C4orf33: variants seen among roughly 807,000 people sequenced by gnomAD.
C4orf33 encodes the protein UPF0462 protein C4orf33.
A neutral mutation model predicts 24.3 loss-of-function variants in C4orf33; 20 were observed. That is an observed-to-expected ratio of 0.82 (90% confidence interval 0.58 to 1.19). The LOEUF (loss-of-function observed/expected upper bound fraction) is 1.19. Among genes scored for constraint, C4orf33 ranks in the 50% most tolerant of loss-of-function variants. The pLI is 0.00. For synonymous variants in C4orf33, 67 were observed against 76.4 expected (o/e 0.88, Z 0.64); for missense variants, 207 against 225.9 (o/e 0.92, Z 0.54).
At chr4:129,105,977 A>T (rs1214725866) in intron 2 of C4orf33, among the ~76,000 whole-genome samples, 1 of 152,196 alleles carries the variant, frequency 6.6e-6, no homozygotes, top group African/African-American at 2.4e-5. Flanking sequence ...TGTCATGCAC[A>T]TTTTGGTTGC....
chr4:129,109,393 G>A lies in C4orf33; in HGVS notation c.294+35G>A, dbSNP rs201700790. On this transcript the variant is annotated intron_variant, in intron 4 of 5. Coordinates refer to ENST00000425929, the MANE Select transcript of C4orf33 (RefSeq NM_001099783.2). ...TAAAAATAGGAGGCAAAATCATTAC[G>A]TACACAGTAATACACATATTTCTAT... 2.0e-4 allele frequency: 314 copies of A among 1,593,196 alleles called. No individual in the cohort carries two copies. In the Middle Eastern group the frequency reaches 3.0e-3, roughly 15 times the overall value.
At chr4:129,103,019 T>A in intron 2 of C4orf33, 2 of 270,434 alleles carry the variant, frequency 7.4e-6, no homozygotes. Flanking sequence ...AATCCAGATT[T>A]TTTTTTTTTT....
At chr4:129,110,048 A>G in intron 5 of C4orf33, 1 of 1,010,608 alleles carries the variant, frequency 9.9e-7, no homozygotes, top group South Asian at 4.0e-5. Flanking sequence ...CCCCTGTTAC[A>G]AGGAAATCTA....
upstream of C4orf33, chr4:129,094,073 A>G (rs1753089427): frequency 6.6e-6 from 1 of 152,220 alleles, no homozygotes. Context: ...CAAAGGAGAC[A>G]ACTGTTGTTT....
At chr4:129,111,356 A>G (rs1753687427) in intron 5 of C4orf33, among the ~76,000 whole-genome samples, 1 of 152,234 alleles carries the variant, frequency 6.6e-6, no homozygotes, top group Admixed American at 6.5e-5. Flanking sequence ...CAAAGTTTGA[A>G]TATAAAAACA....
chr4:129,103,016 A>ATTTTT (rs11383422), intron 2 of C4orf33: 11 of 176,264 alleles, frequency 6.2e-5, no homozygotes, highest in South Asian at 9.5e-5. Flanking sequence ...ACAAATCCAG[A>ATTTTT]TTTTTTTTTT....
intron 3 of C4orf33, among the ~76,000 whole-genome samples, 179 bp downstream of exon 3, chr4:129,106,826 G>A (rs1021379758): frequency 2.0e-5 from 3 of 151,680 alleles, no homozygotes; most frequent in Non-Finnish European, 3.0e-5. Context: ...TATTTAGAAT[G>A]TATGTTTAGA....
At chr4:129,106,471 G>T in intron 2 of C4orf33, 116 bp from the exon 3 acceptor site, 2 of 536,090 alleles carry the variant, frequency 3.7e-6, no homozygotes, top group South Asian at 2.7e-5. Context: ...TTTCCTATTG[G>T]GGATAGTATT....
chr4:129,107,271 G>T (rs337279), intron 3 of C4orf33, among the ~76,000 whole-genome samples: 83,924 of 151,738 alleles, frequency 0.55, 25,216 homozygotes, highest in South Asian at 0.67. Context: ...CTTTGTTCAG[G>T]TTTAACTGTC....
chr4:129,100,119 A>G (rs559600832), intron 1 of C4orf33, among the ~76,000 whole-genome samples: 6 of 152,324 alleles, frequency 3.9e-5, no homozygotes, highest in Middle Eastern at 3.4e-3. Flanking sequence ...AGAAGGAACC[A>G]GTAGAAAGGT....
chr4:129,109,843 GA>G, intron 5 of C4orf33, 171 bp downstream of exon 5: 2 of 944,586 alleles, frequency 2.1e-6, no homozygotes, highest in Non-Finnish European at 3.0e-6. Context: ...GAAAACTTTG[GA>G]CTGTCATAAT....
intron 1 of C4orf33, among the ~76,000 whole-genome samples, chr4:129,097,375 C>A (rs1166859860): frequency 6.6e-6 from 1 of 152,186 alleles, no homozygotes; most frequent in East Asian, 1.9e-4. Flanking sequence ...TGTTACCACT[C>A]GTTTCTTGGA....
rs1427885606 is a variant in C4orf33, at chr4:129,113,774, A to AAG, written c.*1984_*1985insGA. 6 of 151,610 alleles carry AAG rather than the reference A, an allele frequency of 4.0e-5. No individual in the cohort carries two copies. In the East Asian group the frequency reaches 1.2e-3, roughly 29 times the overall value. 9.4% of individuals were successfully genotyped at this position (151,610 alleles called of 1,614,324 possible). On this transcript the variant is annotated 3_prime_UTR_variant, in exon 6 of 6. Transcript: ENST00000425929. ...GTTAAAAAGGTTTTTTGCCACAGGA[A>AAG]AAAAAACATTTAATTTCCCCTCCTT...
rs1192854251 is a variant in C4orf33 at position 129,115,091 on chromosome 4, T to C, written c.*3300T>C. 1 of 152,218 alleles carries C rather than the reference T, an allele frequency of 6.6e-6. No individual in the cohort carries two copies. The highest frequency in any genetic ancestry group is 1.5e-5 in the Non-Finnish European group (1 of 68,040). 9.4% of individuals were successfully genotyped at this position (152,218 alleles called of 1,614,324 possible). On this transcript the variant is annotated 3_prime_UTR_variant, in exon 6 of 6. Transcript: ENST00000425929. ...TGTGATGGAAGAGAGAGATGATAAC[T>C]ATCAATTATAGACTTGAAATCAGTT...
At chr4:129,101,225 T>A (rs529882140) in intron 1 of C4orf33, among the ~76,000 whole-genome samples, 1 of 152,324 alleles carries the variant, frequency 6.6e-6, no homozygotes, top group Non-Finnish European at 1.5e-5. Context: ...GGTCTTGGAT[T>A]TCTTATGTTA....
At chr4:129,094,863 C>T (rs1753138961), upstream of C4orf33, among the ~76,000 whole-genome samples, 1 of 152,214 alleles carries the variant, frequency 6.6e-6, no homozygotes, top group African/African-American at 2.4e-5. Context: ...AAACATCTCA[C>T]TGACTCTCCA....
chr4:129,101,271 G>T (rs1404609088), intron 1 of C4orf33, among the ~76,000 whole-genome samples: 1 of 152,142 alleles, frequency 6.6e-6, no homozygotes, highest in Non-Finnish European at 1.5e-5. Flanking sequence ...CCACTGCTTA[G>T]CTCGTAGGAG....
In C4orf33 at chr4:129,112,667, A is replaced by G. The variant is rs1368854143; in HGVS notation, c.*876A>G. On this transcript the variant is annotated 3_prime_UTR_variant, in exon 6 of 6. Coordinates refer to ENST00000425929, the MANE Select transcript of C4orf33 (RefSeq NM_001099783.2). Reference sequence around the variant, plus strand: ...CTATTATAAAATAAGCTGTAAATTAAATGGAATTAACTTCAAGTTTACATT... The same window carrying G: ...CTATTATAAAATAAGCTGTAAATTAGATGGAATTAACTTCAAGTTTACATT... The G allele has an allele frequency of 6.6e-6, 1 of 152,140 alleles. No homozygotes were observed. Among genetic ancestry groups the G allele is most frequent in the Non-Finnish European group, 1.5e-5 (1 of 67,962 alleles). The allele number at this position is 152,140 out of a possible 1,614,324, so 9.4% of individuals were successfully genotyped here.
At chr4:129,093,866 CCTCA>C (rs2125794922), upstream of C4orf33, 1 of 152,414 alleles carries the variant, frequency 6.6e-6, no homozygotes, top group East Asian at 1.9e-4. Context: ...GTTTAAATGC[CCTCA>C]CTATCTTTGG....
Sources: allele counts gnomAD v4.1 joint callset (sites outside exome capture counted in the v4.1 genomes callset), GRCh38; gene constraint gnomAD v4.1.1; transcripts MANE v1.5; gene names NCBI Gene and HGNC (gene_info 2026-07-23, HGNC 2026-07-21).